LRRFIP1: variants seen among roughly 807,000 people sequenced by gnomAD.
The protein encoded by LRRFIP1 is leucine-rich repeat flightless-interacting protein 1.
In LRRFIP1, 62 loss-of-function variants were observed where a neutral mutation model predicts 104.4. The observed-to-expected ratio is 0.59, with a 90% confidence interval of 0.48 to 0.73. The LOEUF (loss-of-function observed/expected upper bound fraction) is 0.73, where lower values mean the gene tolerates loss of function less well. Among genes scored for constraint, LRRFIP1 ranks in the 30% least tolerant of loss-of-function variants. The pLI is 0.00. For missense variants in LRRFIP1, 796 were observed against 824.5 expected (o/e 0.97, Z 0.42); for synonymous variants, 300 against 299.0 (o/e 1.00, Z -0.03).
At chr2:237,639,320 G>A (rs866238918) in intron 1 of LRRFIP1, among the ~76,000 whole-genome samples, 7 of 152,246 alleles carry the variant, frequency 4.6e-5, no homozygotes, top group South Asian at 2.1e-4. Flanking sequence ...ATAAAAGCGC[G>A]AATGGCTGTC....
chr2:237,678,186 T>C (rs1254111895), intron 1 of LRRFIP1, among the ~76,000 whole-genome samples: 1 of 152,154 alleles, frequency 6.6e-6, no homozygotes, highest in Non-Finnish European at 1.5e-5. Context: ...AACTAGGAAA[T>C]CACCGGGTGC....
intron 15 of LRRFIP1, 114 bp downstream of exon 15, chr2:237,753,593 C>G (rs1166227079): frequency 1.3e-6 from 1 of 783,554 alleles, no homozygotes; most frequent in African/African-American, 1.8e-5. Flanking sequence ...CCCAAGAGTT[C>G]GAGACCAGCC....
At chr2:237,631,350 C>T (rs552134025) in intron 1 of LRRFIP1, among the ~76,000 whole-genome samples, 139 of 152,284 alleles carry the variant, frequency 9.1e-4, no homozygotes, top group African/African-American at 3.1e-3. Flanking sequence ...AAGCAGGACT[C>T]GTGGTGGGGG....
chr2:237,727,858 T>G lies in LRRFIP1; in HGVS notation c.385-18T>G. ...TTGTGTACTGATGTCAGTTTTTCTC[T>G]TTTCTTCATTGAAACAGACAAATGG... On this transcript the variant is annotated intron_variant, in intron 7 of 23. Transcript: ENST00000308482. The G allele has an allele frequency of 1.3e-6, 2 of 1,596,250 alleles. No homozygotes were observed. The highest frequency in any genetic ancestry group is 1.7e-6 in the Non-Finnish European group (2 of 1,169,346).
intron 8 of LRRFIP1, among the ~76,000 whole-genome samples, chr2:237,728,709 T>G (rs1025069569): frequency 1.3e-5 from 2 of 152,210 alleles, no homozygotes; most frequent in African/African-American, 4.8e-5. Flanking sequence ...ATATTCCTAA[T>G]TGTGTAAAAT....
At chr2:237,746,554 CATCTT>C (rs1272510317) in intron 11 of LRRFIP1, among the ~76,000 whole-genome samples, 2 of 152,124 alleles carry the variant, frequency 1.3e-5, no homozygotes, top group Non-Finnish European at 1.5e-5. Flanking sequence ...CCTTGGTACT[CATCTT>C]ATCGGAGTCT....
At chr2:237,774,563 C>G (rs545723325) in intron 23 of LRRFIP1, 101 bp downstream of exon 23, 4 of 782,208 alleles carry the variant, frequency 5.1e-6, no homozygotes, top group Non-Finnish European at 8.6e-6. Flanking sequence ...TGCCCCTGGG[C>G]TGGTCATTGT....
At position 237,640,485 on chromosome 2, in the gene LRRFIP1, C is replaced by T. The variant is rs184317859; in HGVS notation, c.96+12745C>T. On this transcript the variant is annotated intron_variant, in intron 1 of 23. Coordinates refer to ENST00000308482, the MANE Select transcript of LRRFIP1 (RefSeq NM_001137550.2). ...CTGCAGGAGAAGGGACAGGGAAGAC[C>T]CTCAACTTTAGTCTCACCTGTGGAG... is the stretch of plus-strand genomic sequence containing the variant. 5.1e-4 allele frequency among the ~76,000 whole-genome samples: 78 copies of T among 152,042 alleles called. No homozygotes were observed. In the East Asian group the frequency reaches 0.014, roughly 27 times the overall value.
chr2:237,748,514 A>G (rs2058170529), intron 12 of LRRFIP1, 115 bp downstream of exon 12: 2 of 981,458 alleles, frequency 2.0e-6, no homozygotes, highest in Non-Finnish European at 3.1e-6. Context: ...GAACTGGACT[A>G]GAAAGCGGCC....
intron 10 of LRRFIP1, among the ~76,000 whole-genome samples, chr2:237,736,539 A>G (rs558073169): frequency 6.4e-4 from 98 of 152,326 alleles, no homozygotes; most frequent in Non-Finnish European, 1.2e-3. Flanking sequence ...AGAGAGTCTA[A>G]GATCTGGCAG....
In LRRFIP1 at chr2:237,691,718, C is replaced by G. The variant is rs1245534222; in HGVS notation, c.97-16826C>G. ...CCCGGAGGGGACCCCCTCTTCGGGT[C>G]GACCCCTACTGGGCGCGGCATCCTC... is the stretch of plus-strand genomic sequence containing the variant. On this transcript the variant is annotated intron_variant, in intron 1 of 23. Transcript: ENST00000308482. This position sits in a 1 kb window ranked among gnomAD's most constrained non-coding sequence, Gnocchi z 5.4. Among the ~76,000 whole-genome samples, 3 of 152,068 alleles carry G rather than the reference C, an allele frequency of 2.0e-5. No homozygotes were observed. Among genetic ancestry groups the G allele is most frequent in the African/African-American group, 4.8e-5 (2 of 41,404 alleles).
intron 1 of LRRFIP1, among the ~76,000 whole-genome samples, chr2:237,645,634 G>T (rs758719980): frequency 6.6e-6 from 1 of 151,180 alleles, no homozygotes; most frequent in African/African-American, 2.4e-5. Context: ...TGGGAGGTGT[G>T]GTGGCTAAAT....
At chr2:237,681,915 G>A (rs573880043) in intron 1 of LRRFIP1, among the ~76,000 whole-genome samples, 6 of 150,898 alleles carry the variant, frequency 4.0e-5, no homozygotes, top group Non-Finnish European at 8.8e-5. Context: ...TCCTGACCTC[G>A]TGATCCGCCC....
chr2:237,764,062 C>G (rs2060115246), intron 19 of LRRFIP1: 1 of 1,614,078 alleles, frequency 6.2e-7, no homozygotes, highest in African/African-American at 1.3e-5. Flanking sequence ...AGCCAGGGCA[C>G]TTCAATCCAG....
chr2:237,660,829 G>A (rs188408346), intron 1 of LRRFIP1, among the ~76,000 whole-genome samples: 6 of 152,092 alleles, frequency 3.9e-5, no homozygotes, highest in South Asian at 2.1e-4. Context: ...GCAGAACAGC[G>A]CACGGTGCTA....
chr2:237,634,403 G>T (rs1389241684), intron 1 of LRRFIP1, among the ~76,000 whole-genome samples: 1 of 152,172 alleles, frequency 6.6e-6, no homozygotes, highest in Non-Finnish European at 1.5e-5. Context: ...TCACTGGCAG[G>T]ACAGACTGCT....
rs185310881 is a variant in LRRFIP1 at position 237,773,327 on chromosome 2, C to T, written c.1707+382C>T. Among the ~76,000 whole-genome samples the T allele has an allele frequency of 3.9e-5, 6 of 152,170 alleles. 1 individual carries two copies. Among genetic ancestry groups the T allele is most frequent in the African/African-American group, 1.4e-4 (6 of 41,518 alleles). ...CTGAGATGGGTGGATCACTGAAGGT[C>T]GAGAGTTCGAGACCAGCCTGGCCAA... is the stretch of plus-strand genomic sequence containing the variant. On this transcript the variant is annotated intron_variant, in intron 22 of 23. Coordinates refer to ENST00000308482, the MANE Select transcript of LRRFIP1 (RefSeq NM_001137550.2).
intron 13 of LRRFIP1, 106 bp from the exon 14 acceptor site, chr2:237,751,094 T>C (rs530808489): frequency 4.4e-6 from 3 of 675,876 alleles, no homozygotes; most frequent in Non-Finnish European, 7.6e-6. Context: ...AAAAAGAAAA[T>C]TGGGTGCTCA....
chr2:237,708,973 A>C (rs2093950359), intron 2 of LRRFIP1, among the ~76,000 whole-genome samples: 1 of 152,254 alleles, frequency 6.6e-6, no homozygotes. Flanking sequence ...TTAAAGTGGA[A>C]AAGAAGAACG....
Sources: gnomAD v4.1 joint callset for allele counts (sites outside exome capture counted in the v4.1 genomes callset) on GRCh38, gnomAD v4.1.1 for gene constraint, Gnocchi (gnomAD v3.1) non-coding constraint, MANE v1.5 for transcripts, NCBI Gene and HGNC (gene_info 2026-07-23, HGNC 2026-07-21) for gene names.